Variants in DNAH6 observed in about 807,000 individuals in gnomAD.
The protein encoded by DNAH6 is axonemal beta dynein heavy chain 6.
DNAH6 carries 340 observed loss-of-function variants against 491.4 expected under a neutral mutation model. That is an observed-to-expected ratio of 0.69 (90% confidence interval 0.63 to 0.76). The LOEUF (loss-of-function observed/expected upper bound fraction) is 0.76, where lower values mean the gene tolerates loss of function less well. Ranked by LOEUF, DNAH6 falls within the 30% of genes least tolerant of loss-of-function variation. DNAH6 has a pLI of 0.00. For missense variants in DNAH6, 4,443 were observed against 4,972.2 expected (o/e 0.89, Z 3.20); for synonymous variants, 1,603 against 1,686.1 (o/e 0.95, Z 1.21).
Position 84,813,991 on chromosome 2 carries a change from C to G in DNAH6, c.12019C>G (p.Arg4007Gly). The G allele has an allele frequency of 6.4e-7, 1 of 1,551,668 alleles. No individual in the cohort carries two copies. The change falls in exon 75 of 77, where the codon CGA becomes GGA. Residue 4007 changes from arginine to glycine, a missense_variant. By Grantham distance (125) the Arg-to-Gly change is moderately radical (BLOSUM62 -2). Coordinates refer to ENST00000389394, the MANE Select transcript of DNAH6 (RefSeq NM_001370.2). ...TACAGGAACTCTTCAAAATCATGCTCGAAAATACAATTTGCCTATAGATGA... is the reference window on the plus strand; with the variant it reads ...TACAGGAACTCTTCAAAATCATGCTGGAAAATACAATTTGCCTATAGATGA... The part of the protein sequence containing the change: ...FLTGTLQNHA[R>G]KYNLPIDELS...
At position 84,617,032 on chromosome 2, in the gene DNAH6, A is replaced by G. The variant is rs369242477; in HGVS notation, c.3572+50A>G. 75 of 1,018,876 alleles carry G rather than the reference A, an allele frequency of 7.4e-5. No homozygotes were observed. The East Asian group carries it at 1.2e-3, about 16-fold the overall frequency. 63.1% of individuals were successfully genotyped at this position (1,018,876 alleles called of 1,614,324 possible). A position where few individuals can be genotyped will look rare whatever the true frequency, so the allele number is the denominator to read the frequency against. ...TATTTTTTAGTAGTTATGACTGTCA[A>G]TCAAGTTGAGGTTATAATTATAACC... On this transcript the variant is annotated intron_variant, in intron 23 of 76. Transcript: ENST00000389394.
At chr2:84,583,856 G>A in intron 14 of DNAH6, 143 bp from the exon 15 acceptor site, 1 of 863,578 alleles carries the variant, frequency 1.2e-6, no homozygotes, top group Non-Finnish European at 1.8e-6. Flanking sequence ...AAATTACCCA[G>A]TCTTAGATAT....
intron 72 of DNAH6, among the ~76,000 whole-genome samples, chr2:84,811,021 T>C (rs1251679764): frequency 6.6e-6 from 1 of 152,238 alleles, no homozygotes; most frequent in Non-Finnish European, 1.5e-5. Flanking sequence ...AGGTCTATCA[T>C]GGAGGATGGT....
chr2:84,509,124 G>T, the DNAH6 span, among the ~76,000 whole-genome samples: 1 of 152,156 alleles, frequency 6.6e-6, no homozygotes, highest in African/African-American at 2.4e-5. Flanking sequence ...GGATATCCTT[G>T]TTAACTTTCT....
intron 4 of DNAH6, among the ~76,000 whole-genome samples, chr2:84,542,534 A>G (rs759910678): frequency 6.6e-6 from 1 of 152,068 alleles, no homozygotes; most frequent in African/African-American, 2.4e-5. Flanking sequence ...GGCAGCCCTG[A>G]AGTTGGAGGG....
chr2:84,668,849 T>A (rs998806379), intron 37 of DNAH6, among the ~76,000 whole-genome samples: 1 of 53,640 alleles, frequency 1.9e-5, no homozygotes, highest in African/African-American at 5.1e-5. Context: ...TGTGTGTGTG[T>A]GTGTGTGTAT....
chr2:84,722,819 G>A lies in DNAH6; in HGVS notation c.9972+15G>A, dbSNP rs988119751. 1.4e-6 allele frequency: 2 copies of A among 1,414,962 alleles called. No homozygotes were observed. 87.7% of individuals were successfully genotyped at this position (1,414,962 alleles called of 1,614,324 possible). A position where few individuals can be genotyped will look rare whatever the true frequency, so the allele number is the denominator to read the frequency against. On this transcript the variant is annotated intron_variant, in intron 60 of 76. Transcript: ENST00000389394. The stretch of plus-strand genomic sequence containing the variant: ...ACTTTAAACAGGTAAGTGTGTTCAT[G>A]TTGTTAATGACAGTCATCTCTTTGG...
At chr2:84,585,056 G>A (rs997596053) in intron 15 of DNAH6, among the ~76,000 whole-genome samples, 17 of 152,114 alleles carry the variant, frequency 1.1e-4, no homozygotes, top group Non-Finnish European at 1.8e-4. Context: ...ATGTATTAAC[G>A]TGGAAATGTA....
intron 4 of DNAH6, among the ~76,000 whole-genome samples, chr2:84,534,602 T>A (rs529174513): frequency 5.6e-4 from 85 of 152,086 alleles, no homozygotes; most frequent in Non-Finnish European, 9.3e-4. Flanking sequence ...CATTTGCTCT[T>A]TTTTTGTGTG....
At chr2:84,765,202 T>A (rs957747243) in intron 64 of DNAH6, among the ~76,000 whole-genome samples, 4 of 152,016 alleles carry the variant, frequency 2.6e-5, no homozygotes, top group African/African-American at 9.7e-5. Context: ...GGTAGAGAAA[T>A]TATATGAAAT....
In DNAH6 at chr2:84,669,310, T is replaced by G. The variant is rs928248271; in HGVS notation, c.6106T>G (p.Trp2036Gly). 2.6e-6 allele frequency: 4 copies of G among 1,550,138 alleles called. No individual in the cohort carries two copies. Among genetic ancestry groups the G allele is most frequent in the Non-Finnish European group, 2.6e-6 (3 of 1,145,688 alleles). Reference sequence around the variant, plus strand: ...TTAGCTTCCCAATTCTGGTGATCTGTGGAGCATTCATATGGACTTTGACAC... The same window carrying G: ...TTAGCTTCCCAATTCTGGTGATCTGGGGAGCATTCATATGGACTTTGACAC... ...DARLPNSGDLWSIHMDFDTKR... is the reference protein window; with the variant it reads ...DARLPNSGDLGSIHMDFDTKR... The change falls in exon 38 of 77, where the codon TGG (tryptophan) becomes GGG (glycine). Residue 2036 changes from tryptophan to glycine, a missense_variant. Trp to Gly is a radical substitution (Grantham distance 184, BLOSUM62 -2). Around this residue, in one of 3 missense-constraint regions of DNAH6, gnomAD observed 2,977 missense variants for 3,296.6 expected, o/e 0.90. Coordinates refer to ENST00000389394, the MANE Select transcript of DNAH6 (RefSeq NM_001370.2).
intron 33 of DNAH6, among the ~76,000 whole-genome samples, chr2:84,644,507 G>T (rs572154158): frequency 1.3e-5 from 2 of 151,876 alleles, no homozygotes; most frequent in Admixed American, 1.3e-4. Context: ...CATGTGCCAT[G>T]GTGGTTTGCT....
Position 84,670,403 on chromosome 2 carries a change from G to C in DNAH6, c.6382G>C (p.Ala2128Pro), listed in dbSNP as rs1298307899. 1 of 1,546,364 alleles carries C rather than the reference G, an allele frequency of 6.5e-7. No individual in the cohort carries two copies. The highest frequency in any genetic ancestry group is 8.7e-7 in the Non-Finnish European group (1 of 1,143,720). ...TGTCCCTGTTTATCTAAATTTTTCT[G>C]CTCAAACTTCATCTGCAAGGACACA... ...GYVPVYLNFSAQTSSARTQEI... is the reference protein window; with the variant it reads ...GYVPVYLNFSPQTSSARTQEI... Residue 2128 changes from alanine (A) to proline (P), a missense_variant, in exon 39 of 77, where the codon GCT becomes CCT. Ala to Pro is a conservative substitution (Grantham distance 27, BLOSUM62 -1). This residue lies in a region of DNAH6 where 2,977 missense variants were observed against 3,296.6 expected (regional missense o/e 0.90). Coordinates refer to ENST00000389394, the MANE Select transcript of DNAH6 (RefSeq NM_001370.2).
intron 33 of DNAH6, among the ~76,000 whole-genome samples, chr2:84,649,301 T>A (rs910021488): frequency 6.6e-6 from 1 of 152,162 alleles, no homozygotes; most frequent in African/African-American, 2.4e-5. Context: ...TATATATAAA[T>A]ATACGATTAA....
At chr2:84,734,962 G>T (rs1475863313) in intron 62 of DNAH6, among the ~76,000 whole-genome samples, 7 of 152,074 alleles carry the variant, frequency 4.6e-5, no homozygotes, top group Non-Finnish European at 8.8e-5. Flanking sequence ...TATATTGCAT[G>T]CTGGGGAAGT....
At chr2:84,514,399 C>T (rs1272859761), upstream of DNAH6, among the ~76,000 whole-genome samples, 1 of 152,116 alleles carries the variant, frequency 6.6e-6, no homozygotes, top group African/African-American at 2.4e-5. Context: ...TATAATAATA[C>T]CTCTAACATA....
At chr2:84,703,844 A>C (rs548620694) in intron 50 of DNAH6, among the ~76,000 whole-genome samples, 1 of 152,180 alleles carries the variant, frequency 6.6e-6, no homozygotes, top group Admixed American at 6.5e-5. Flanking sequence ...TAAAGCAACT[A>C]TGTCTCTCCT....
intron 33 of DNAH6, 97 bp from the exon 34 acceptor site, chr2:84,653,222 G>A: frequency 3.8e-6 from 4 of 1,051,312 alleles, no homozygotes; most frequent in Non-Finnish European, 5.4e-6. Context: ...AGATCAATGA[G>A]AAACAATAAG....
chr2:84,465,491 T>A, the DNAH6 span, among the ~76,000 whole-genome samples: 2 of 151,736 alleles, frequency 1.3e-5, no homozygotes, highest in Admixed American at 1.3e-4. Context: ...TGAGACTCTG[T>A]CTCAAAACAA....
Sources: gnomAD v4.1 joint callset for allele counts (sites outside exome capture counted in the v4.1 genomes callset) on GRCh38, gnomAD v4.1.1 for gene constraint, gnomAD v4.1.1 regional missense constraint, MANE v1.5 for transcripts, NCBI Gene and HGNC (gene_info 2026-07-23, HGNC 2026-07-21) for gene names.